LRP1: variants seen among roughly 807,000 people sequenced by gnomAD.
The protein encoded by LRP1 is LDL receptor related protein 1.
A neutral mutation model predicts 541.5 loss-of-function variants in LRP1; 51 were observed. That is an observed-to-expected ratio of 0.09 (90% CI 0.08 to 0.12). The LOEUF (loss-of-function observed/expected upper bound fraction) is 0.12, where lower values mean the gene tolerates loss of function less well. LRP1 is among the 10% of genes least tolerant of loss of function. The pLI, the probability that LRP1 is intolerant of heterozygous loss-of-function variation, is 1.00. For missense variants in LRP1, 3,878 were observed against 6,376.2 expected, an observed-to-expected ratio of 0.61 and a Z score of 13.34; for synonymous variants, 2,219 against 2,470.8, an observed-to-expected ratio of 0.90 and a Z score of 3.02.
chr12:57,191,866 A>ATG (rs2036398968), intron 44 of LRP1, among the ~76,000 whole-genome samples: 4 of 76,978 alleles, frequency 5.2e-5, no homozygotes, highest in Non-Finnish European at 8.5e-5. Flanking sequence ...CCACATACAC[A>ATG]CCACACATAC....
intron 22 of LRP1, among the ~76,000 whole-genome samples, 172 bp downstream of exon 22, chr12:57,174,152 G>A (rs548587377): frequency 6.6e-6 from 1 of 152,216 alleles, no homozygotes; most frequent in Non-Finnish European, 1.5e-5. Context: ...TCCCCATGGC[G>A]CTGTGCTGAG....
At chr12:57,193,859 A>T in intron 47 of LRP1, 40 bp from the exon 48 acceptor site, 1 of 1,602,698 alleles carries the variant, frequency 6.2e-7, no homozygotes, top group South Asian at 1.1e-5. Context: ...CCCCACAGAG[A>T]AAACTCTGGC....
chr12:57,174,009 G>A (rs2035996282), intron 22 of LRP1, 29 bp downstream of exon 22: 2 of 1,609,424 alleles, frequency 1.2e-6, no homozygotes, highest in Admixed American at 1.7e-5. Flanking sequence ...AGAAGGGTAG[G>A]GAGGGTGGCT....
Position 57,162,732 on chromosome 12 carries a change from G to C in LRP1, c.2405-126G>C, listed in dbSNP as rs2035761432. 7.6e-6 allele frequency: 9 copies of C among 1,177,588 alleles called. No homozygotes were observed. Among genetic ancestry groups the C allele is most frequent in the East Asian group, 2.6e-5 (1 of 38,976 alleles). The allele number at this position is 1,177,588 out of a possible 1,614,324, so 72.9% of individuals were successfully genotyped here. On this transcript the variant is annotated intron_variant, in intron 14 of 88. Coordinates refer to ENST00000243077, the MANE Select transcript of LRP1 (RefSeq NM_002332.3). The surrounding 1 kb of genome is among the most constrained non-coding windows in gnomAD (Gnocchi z 5.2). Reference sequence around the variant, plus strand: ...GTCTGTGTCTCCTGTTCTTCAACATGATCTTCTTCCTCTCCATATTTCCTC... The same window carrying C: ...GTCTGTGTCTCCTGTTCTTCAACATCATCTTCTTCCTCTCCATATTTCCTC...
In LRP1 at chr12:57,194,310, A is replaced by G. The variant is rs1462475688; in HGVS notation, c.7919-44A>G. 4.0e-6 allele frequency: 6 copies of G among 1,503,792 alleles called. No homozygotes were observed. The Admixed American group carries it at 1.4e-4, about 35-fold the overall frequency. The allele number at this position is 1,503,792 out of a possible 1,614,324, so 93.2% of individuals were successfully genotyped here. A position where few individuals can be genotyped will look rare whatever the true frequency, so the allele number is the denominator to read the frequency against. The stretch of plus-strand genomic sequence containing the variant: ...CTGGCAGCTGCCCCAGTCGGGGGTG[A>G]TCCAGGGGGAACCAGGTATCACCCT... On this transcript the variant is annotated intron_variant, in intron 48 of 88. Coordinates refer to ENST00000243077, the MANE Select transcript of LRP1 (RefSeq NM_002332.3).
At position 57,156,984 on chromosome 12, in the gene LRP1, C is replaced by G. The variant is rs2035634444; in HGVS notation, c.1561+64C>G. On this transcript the variant is annotated intron_variant, in intron 10 of 88. Coordinates refer to ENST00000243077, the MANE Select transcript of LRP1 (RefSeq NM_002332.3). This position sits in a 1 kb window ranked among gnomAD's most constrained non-coding sequence, Gnocchi z 5.2. ...CTGCGGGAGGGTTCCTCAGGTGTCC[C>G]CCACAGCCCGGCTGCCTCTGTCTGA... The G allele has an allele frequency of 1.4e-6, 2 of 1,476,698 alleles. No homozygotes were observed. The highest frequency in any genetic ancestry group is 1.4e-5 in the African/African-American group (1 of 72,618). The allele number at this position is 1,476,698 out of a possible 1,614,324, so 91.5% of individuals were successfully genotyped here. A position where few individuals can be genotyped will look rare whatever the true frequency, so the allele number is the denominator to read the frequency against.
chr12:57,155,988 T>G, intron 8 of LRP1, 106 bp from the exon 9 acceptor site: 1 of 823,594 alleles, frequency 1.2e-6, no homozygotes. Context: ...ACAGGATGAA[T>G]TGGGGAATGC....
chr12:57,201,281 G>T lies in LRP1; in HGVS notation c.10345+128G>T, dbSNP rs1427792102. 6.9e-7 allele frequency: 1 copy of T among 1,451,260 alleles called. No homozygotes were observed. Among genetic ancestry groups the T allele is most frequent in the Non-Finnish European group, 9.4e-7 (1 of 1,060,418 alleles). 89.9% of individuals were successfully genotyped at this position (1,451,260 alleles called of 1,614,324 possible). On this transcript the variant is annotated intron_variant, in intron 65 of 88. Transcript: ENST00000243077. The surrounding 1 kb of genome is among the most constrained non-coding windows in gnomAD (Gnocchi z 6.4). ...AGATGGGCAACACAAATTATATTGG[G>T]TGTAACTTGCTTTGCTCATAAAAAT... is the stretch of plus-strand genomic sequence containing the variant.
At chr12:57,142,837 TG>T (rs1159161727) in intron 3 of LRP1, among the ~76,000 whole-genome samples, 2 of 152,258 alleles carry the variant, frequency 1.3e-5, no homozygotes, top group African/African-American at 4.8e-5. Context: ...AAAGAATCGC[TG>T]GGGCCTGGCC....
At chr12:57,176,986 A>G (rs1370495390) in intron 24 of LRP1, 55 bp from the exon 25 acceptor site, 1 of 1,496,158 alleles carries the variant, frequency 6.7e-7, no homozygotes, top group African/African-American at 1.4e-5. Context: ...GATTTCACAC[A>G]TTCATGCACA....
At chr12:57,157,962 C>T (rs756207785) in intron 10 of LRP1, among the ~76,000 whole-genome samples, 4 of 152,190 alleles carry the variant, frequency 2.6e-5, no homozygotes, top group Admixed American at 6.5e-5. Flanking sequence ...ATAAAAGTCA[C>T]GCTGCTACTG....
chr12:57,178,743 A>G lies in LRP1; in HGVS notation c.4606+140A>G. On this transcript the variant is annotated intron_variant, in intron 27 of 88. Transcript: ENST00000243077. This position sits in a 1 kb window ranked among gnomAD's most constrained non-coding sequence, Gnocchi z 5.8. ...TGGCAGGGGTAGGCCGGCTGTTGAC[A>G]GAGGCACTGTCTAGCAGCAGAGAAG... is the stretch of plus-strand genomic sequence containing the variant. 7 of 1,511,412 alleles carry G rather than the reference A, an allele frequency of 4.6e-6. No homozygotes were observed. The highest frequency in any genetic ancestry group is 6.3e-6 in the Non-Finnish European group (7 of 1,115,362). The allele number at this position is 1,511,412 out of a possible 1,614,324, so 93.6% of individuals were successfully genotyped here. A position where few individuals can be genotyped will look rare whatever the true frequency, so the allele number is the denominator to read the frequency against.
intron 1 of LRP1, among the ~76,000 whole-genome samples, chr12:57,135,862 A>G (rs2035150150): frequency 6.6e-6 from 1 of 151,790 alleles, no homozygotes; most frequent in South Asian, 2.1e-4. Flanking sequence ...AGTGAGGGCT[A>G]AAGGAGGGGG....
Position 57,202,543 on chromosome 12 carries a change from T to TGG in LRP1, c.10711+6_10711+7insGG. Reference sequence around the variant, plus strand: ...CTCCGATGAAGAGAGCTGCAGTACGTCCCCACCCACCCAGCCCCGCATGAG... The same window carrying TGG: ...CTCCGATGAAGAGAGCTGCAGTACGTGGCCCCACCCACCCAGCCCCGCATGAG... On this transcript the variant is annotated splice_region_variant and intron_variant, in intron 68 of 88. Coordinates refer to ENST00000243077, the MANE Select transcript of LRP1 (RefSeq NM_002332.3). 401 of 1,521,806 alleles carry TGG rather than the reference T, an allele frequency of 2.6e-4. No homozygotes were observed. The highest frequency in any genetic ancestry group is 3.6e-4 in the Middle Eastern group (2 of 5,546). The allele number at this position is 1,521,806 out of a possible 1,614,324, so 94.3% of individuals were successfully genotyped here.
chr12:57,168,565 C>T (rs2035883171), intron 19 of LRP1, among the ~76,000 whole-genome samples: 1 of 152,208 alleles, frequency 6.6e-6, no homozygotes, highest in Admixed American at 6.5e-5. Context: ...CCCATAAATA[C>T]AGAGGGTCAA....
In LRP1 at chr12:57,173,229, C is replaced by T. The variant is rs1555184056; in HGVS notation, c.3225C>T (p.Cys1075=). Residue 1075 remains cysteine (C), a synonymous_variant, in exon 21 of 89, where the codon TGC becomes TGT. Transcript: ENST00000243077. This position sits in a 1 kb window ranked among gnomAD's most constrained non-coding sequence, Gnocchi z 4.7. ...TCCAGTGCCGGCTGGATGGACTATG[C>T]ATCCCCCTGCGGTGGCGCTGCGATG... is the stretch of plus-strand genomic sequence containing the variant. The part of the protein sequence containing the change: ...DEFQCRLDGL[C]IPLRWRCDGD... The T allele has an allele frequency of 1.9e-6, 3 of 1,613,914 alleles. No homozygotes were observed. The highest frequency in any genetic ancestry group is 2.2e-5 in the South Asian group (2 of 91,082).
chr12:57,191,131 T>C, intron 43 of LRP1, 122 bp downstream of exon 43: 1 of 1,181,488 alleles, frequency 8.5e-7, no homozygotes, highest in Non-Finnish European at 1.2e-6. Context: ...GGTGAGTGCC[T>C]CCAGGCCCCA....
chr12:57,136,436 C>G (rs2035171827), intron 1 of LRP1, among the ~76,000 whole-genome samples: 2 of 142,388 alleles, frequency 1.4e-5, no homozygotes, highest in African/African-American at 5.1e-5. Context: ...CTGTCTCTGC[C>G]CTGCATTTGC....
chr12:57,187,560 C>A, intron 42 of LRP1, 104 bp downstream of exon 42: 1 of 1,128,366 alleles, frequency 8.9e-7, no homozygotes, highest in Non-Finnish European at 1.2e-6. Context: ...GGCAGGCCCT[C>A]ACTTGAGCTC....
Sources: gnomAD v4.1 joint callset for allele counts (sites outside exome capture counted in the v4.1 genomes callset) on GRCh38, gnomAD v4.1.1 for gene constraint, Gnocchi (gnomAD v3.1) non-coding constraint, MANE v1.5 for transcripts, NCBI Gene and HGNC (gene_info 2026-07-23, HGNC 2026-07-21) for gene names.